ZGRF1: variants seen among roughly 807,000 people sequenced by gnomAD.
ZGRF1 encodes the protein 5'-3' DNA helicase ZGRF1.
In ZGRF1, 196 loss-of-function variants were observed where a neutral mutation model predicts 203.5. The observed-to-expected ratio is 0.96, with a 90% CI of 0.86 to 1.08. The LOEUF is 1.08. ZGRF1 is among the 50% of genes least tolerant of loss of function. The pLI, the probability that ZGRF1 is intolerant of heterozygous loss-of-function variation, is 0.00. For missense variants in ZGRF1, 2,326 were observed against 2,416.3 expected (o/e 0.96, Z 0.78); for synonymous variants, 809 against 841.3 (o/e 0.96, Z 0.66).
intron 4 of ZGRF1, among the ~76,000 whole-genome samples, chr4:112,621,547 G>A (rs1304350737): frequency 6.6e-6 from 1 of 151,396 alleles, no homozygotes; most frequent in Non-Finnish European, 1.5e-5. Flanking sequence ...CAGCCACTCG[G>A]GAGGCTGAGG....
At chr4:112,607,943 A>G (rs986481177) in intron 8 of ZGRF1, 1 of 152,216 alleles carries the variant, frequency 6.6e-6, no homozygotes, top group Non-Finnish European at 1.5e-5. Flanking sequence ...CCCGTCTGAA[A>G]AAAGAAAAAA....
intron 8 of ZGRF1, among the ~76,000 whole-genome samples, chr4:112,608,127 G>C (rs1367183486): frequency 6.6e-6 from 1 of 152,140 alleles, no homozygotes; most frequent in Non-Finnish European, 1.5e-5. Context: ...ATGTGGTCCA[G>C]GCTGGACTCT....
chr4:112,617,090 A>G (rs190196980), intron 6 of ZGRF1, among the ~76,000 whole-genome samples: 11 of 152,284 alleles, frequency 7.2e-5, no homozygotes, highest in Admixed American at 2.6e-4. Context: ...CTGTCTCCAA[A>G]ATAAAAAAAA....
chr4:112,560,685 G>T, intron 19 of ZGRF1, 48 bp downstream of exon 19: 2 of 1,452,548 alleles, frequency 1.4e-6, no homozygotes, highest in Non-Finnish European at 1.9e-6. Flanking sequence ...AGTTACAAAA[G>T]CTTACAAATA....
intron 24 of ZGRF1, among the ~76,000 whole-genome samples, chr4:112,546,479 C>A (rs1315069759): frequency 6.6e-6 from 1 of 152,056 alleles, no homozygotes. Flanking sequence ...TAGATGAATG[C>A]AATGGTTTGA....
intron 6 of ZGRF1, among the ~76,000 whole-genome samples, chr4:112,613,354 T>C (rs2046757947): frequency 6.6e-6 from 1 of 152,156 alleles, no homozygotes; most frequent in African/African-American, 2.4e-5. Context: ...CCATTTTTAC[T>C]ATGGCTTAAG....
rs960625119 is a variant in ZGRF1, at chr4:112,539,369, G to C, written c.*178C>G. Reference sequence around the variant, plus strand: ...AGAAAAAAGCTTATTTTTATTAGTAGGATTTTATACTACCTTTTGTACACT... The same window carrying C: ...AGAAAAAAGCTTATTTTTATTAGTACGATTTTATACTACCTTTTGTACACT... On this transcript the variant is annotated 3_prime_UTR_variant, in exon 28 of 28. Coordinates refer to ENST00000505019, the MANE Select transcript of ZGRF1 (RefSeq NM_018392.5). The C allele has an allele frequency of 7.3e-6, 3 of 410,406 alleles. No individual in the cohort carries two copies. The highest frequency in any genetic ancestry group is 1.3e-5 in the Non-Finnish European group (3 of 236,988). 25.4% of individuals were successfully genotyped at this position (410,406 alleles called of 1,614,324 possible).
At chr4:112,568,220 A>C (rs1743489696) in intron 16 of ZGRF1, among the ~76,000 whole-genome samples, 1 of 152,138 alleles carries the variant, frequency 6.6e-6, no homozygotes, top group African/African-American at 2.4e-5. Flanking sequence ...TTATTTGAAG[A>C]AATAATGAAG....
At chr4:112,575,369 T>C (rs545251808) in intron 16 of ZGRF1, among the ~76,000 whole-genome samples, 1 of 152,212 alleles carries the variant, frequency 6.6e-6, no homozygotes, top group Non-Finnish European at 1.5e-5. Context: ...AGACGGGTGA[T>C]TTCTGCATTT....
chr4:112,576,822 AG>A (rs1745322216), intron 16 of ZGRF1, among the ~76,000 whole-genome samples: 1 of 152,200 alleles, frequency 6.6e-6, no homozygotes, highest in East Asian at 1.9e-4. Flanking sequence ...TGAAAGTGAC[AG>A]GGAGAATGGA....
chr4:112,560,248 T>A (rs1386231585), intron 19 of ZGRF1, among the ~76,000 whole-genome samples: 1 of 152,080 alleles, frequency 6.6e-6, no homozygotes, highest in African/African-American at 2.4e-5. Context: ...TAAGAATAGC[T>A]CCAAAATTAG....
At chr4:112,615,849 G>A (rs975606576) in intron 6 of ZGRF1, among the ~76,000 whole-genome samples, 3 of 147,608 alleles carry the variant, frequency 2.0e-5, no homozygotes, top group African/African-American at 5.0e-5. Context: ...TGGCCAGACT[G>A]GTCTCGAACT....
intron 16 of ZGRF1, chr4:112,565,507 C>CA (rs1021446218): frequency 3.2e-6 from 2 of 616,818 alleles, no homozygotes; most frequent in Non-Finnish European, 5.6e-6. Context: ...TCCATGGGGT[C>CA]AAAAAAAGAG....
intron 24 of ZGRF1, among the ~76,000 whole-genome samples, chr4:112,545,260 G>A (rs572344196): frequency 6.7e-6 from 1 of 149,582 alleles, no homozygotes; most frequent in South Asian, 2.1e-4. Flanking sequence ...TTAATTTCCA[G>A]AATATATTTA....
Position 112,608,707 on chromosome 4 carries a change from T to C in ZGRF1, c.2718+672A>G, listed in dbSNP as rs189730996. ...ATCATTTGTAAGCTAAATTTTGTAG[T>C]TGCCAATTGTTTATAATTTTATATG... On this transcript the variant is annotated intron_variant, in intron 8 of 27. Transcript: ENST00000505019. Among the ~76,000 whole-genome samples the C allele has an allele frequency of 2.5e-3, 380 of 152,324 alleles. 6 individuals are homozygous for C. Among genetic ancestry groups the C allele is most frequent in the Non-Finnish European group, 8.4e-4 (57 of 68,028 alleles).
At chr4:112,614,348 A>C (rs146591646) in intron 6 of ZGRF1, among the ~76,000 whole-genome samples, 10 of 152,350 alleles carry the variant, frequency 6.6e-5, no homozygotes, top group African/African-American at 2.2e-4. Flanking sequence ...AGTATTTGCT[A>C]TACTTTCATG....
At chr4:112,543,674 ATCACAAGAAAG>A (rs1449858303) in intron 24 of ZGRF1, among the ~76,000 whole-genome samples, 2 of 152,242 alleles carry the variant, frequency 1.3e-5, no homozygotes, top group African/African-American at 4.8e-5. Context: ...GGCATAAAAT[ATCACAAGAAAG>A]GTACAAGAAA....
At position 112,553,693 on chromosome 4, in the gene ZGRF1, T is replaced by C. The variant is rs538397484; in HGVS notation, c.5346+142A>G. 73 of 658,938 alleles carry C rather than the reference T, an allele frequency of 1.1e-4. No homozygotes were observed. The African/African-American group carries it at 1.3e-3, about 11-fold the overall frequency. The allele number at this position is 658,938 out of a possible 1,614,324, so 40.8% of individuals were successfully genotyped here. On this transcript the variant is annotated intron_variant, in intron 22 of 27. Coordinates refer to ENST00000505019, the MANE Select transcript of ZGRF1 (RefSeq NM_018392.5). ...ACACTGGGTAGACTATATCCAAGGA[T>C]CCACATGCATGCACCTTAGTAGAAT...
At chr4:112,631,257 C>T (rs1182614052) in intron 3 of ZGRF1, among the ~76,000 whole-genome samples, 8 of 152,146 alleles carry the variant, frequency 5.3e-5, no homozygotes, top group Admixed American at 6.5e-5. Context: ...CTGCCTCAGC[C>T]TCCCAACGTG....
Sources: allele counts gnomAD v4.1 joint callset (sites outside exome capture counted in the v4.1 genomes callset), GRCh38; gene constraint gnomAD v4.1.1; transcripts MANE v1.5; gene names NCBI Gene and HGNC (gene_info 2026-07-23, HGNC 2026-07-21).